PIBF1: variants seen among roughly 807,000 people sequenced by gnomAD.
PIBF1 encodes the protein progesterone immunomodulatory binding factor 1.
Under a neutral mutation model 112.5 loss-of-function variants are expected in PIBF1, and 90 were observed. That is an observed-to-expected ratio of 0.80 (90% confidence interval 0.67 to 0.95). The LOEUF (loss-of-function observed/expected upper bound fraction) is 0.95. Ranked by LOEUF, PIBF1 falls within the 40% of genes least tolerant of loss-of-function variation. The pLI, the probability that PIBF1 is intolerant of heterozygous loss-of-function variation, is 0.00. For missense variants in PIBF1, 915 were observed against 852.3 expected, an observed-to-expected ratio of 1.07 and a Z score of -0.92; for synonymous variants, 301 against 288.6, an observed-to-expected ratio of 1.04 and a Z score of -0.44.
At chr13:72,874,354 A>C (rs766182080) in intron 10 of PIBF1, among the ~76,000 whole-genome samples, 1 of 152,236 alleles carries the variant, frequency 6.6e-6, no homozygotes, top group African/African-American at 2.4e-5. Context: ...CAACTAGTGC[A>C]TCAAACTAAA....
At chr13:72,904,632 G>C (rs943371875) in intron 11 of PIBF1, among the ~76,000 whole-genome samples, 116 of 150,894 alleles carry the variant, frequency 7.7e-4, no homozygotes, top group Middle Eastern at 3.4e-3. Context: ...GTAGAGACAG[G>C]GTTTTGCCGT....
intron 10 of PIBF1, among the ~76,000 whole-genome samples, chr13:72,873,992 G>A (rs559414923): frequency 9.2e-5 from 14 of 152,206 alleles, no homozygotes; most frequent in African/African-American, 2.6e-4. Flanking sequence ...CACAAGAAAA[G>A]ATGCTAAACA....
intron 16 of PIBF1, among the ~76,000 whole-genome samples, chr13:72,997,256 G>T (rs1286693181): frequency 6.6e-6 from 1 of 152,094 alleles, no homozygotes; most frequent in Non-Finnish European, 1.5e-5. Flanking sequence ...ACTTATCTTG[G>T]TAAGTAGAAC....
At chr13:72,971,302 T>C (rs2042886286) in intron 15 of PIBF1, among the ~76,000 whole-genome samples, 2 of 152,068 alleles carry the variant, frequency 1.3e-5, no homozygotes, top group African/African-American at 2.4e-5. Context: ...ACATACATGT[T>C]CCTTAAAAGT....
At chr13:72,795,256 G>A in intron 3 of PIBF1, 103 bp from the exon 4 acceptor site, 1 of 716,634 alleles carries the variant, frequency 1.4e-6, no homozygotes, top group Non-Finnish European at 2.4e-6. Context: ...ATACTGTCAG[G>A]TTTCTGATTT....
At position 72,892,916 on chromosome 13, in the gene PIBF1, G is replaced by A. The variant is rs149246862; in HGVS notation, c.1323-868G>A. Among the ~76,000 whole-genome samples, 64 of 151,966 alleles carry A rather than the reference G, an allele frequency of 4.2e-4. No homozygotes were observed. The East Asian group carries it at 0.011, about 27-fold the overall frequency. On this transcript the variant is annotated intron_variant, in intron 10 of 17. Coordinates refer to ENST00000326291, the MANE Select transcript of PIBF1 (RefSeq NM_006346.4). ...TTGAAGCACTTACCATTGAATTTTC[G>A]TGTTTATTTGCCTGTTTTCCCCAGA...
At chr13:72,823,858 A>T (rs1420350520) in intron 6 of PIBF1, among the ~76,000 whole-genome samples, 1 of 152,102 alleles carries the variant, frequency 6.6e-6, no homozygotes, top group Non-Finnish European at 1.5e-5. Context: ...TTGTCTAAGA[A>T]GTCTTGATCT....
chr13:72,885,989 G>A (rs1241198870), intron 10 of PIBF1, among the ~76,000 whole-genome samples: 2 of 151,994 alleles, frequency 1.3e-5, no homozygotes, highest in Non-Finnish European at 2.9e-5. Context: ...CATTTATAGG[G>A]CTTCCCTATT....
At chr13:72,903,987 T>C (rs766266481) in intron 11 of PIBF1, among the ~76,000 whole-genome samples, 1 of 152,188 alleles carries the variant, frequency 6.6e-6, no homozygotes, top group Non-Finnish European at 1.5e-5. Flanking sequence ...ATAGAAATCC[T>C]CAAAATATTG....
At position 72,973,782 on chromosome 13, in the gene PIBF1, T is replaced by A. The variant is rs181278467; in HGVS notation, c.2049+107T>A. 8.5e-5 allele frequency: 54 copies of A among 633,334 alleles called. No homozygotes were observed. In the Admixed American group the frequency reaches 1.7e-3, roughly 21 times the overall value. The allele number at this position is 633,334 out of a possible 1,614,324, so 39.2% of individuals were successfully genotyped here. On this transcript the variant is annotated intron_variant, in intron 16 of 17. Coordinates refer to ENST00000326291, the MANE Select transcript of PIBF1 (RefSeq NM_006346.4). Reference sequence around the variant, plus strand: ...GTTGTGCATGTTCATTAATGACTTCTCTTATTTATGTCTCACTGTAATTTT... The same window carrying A: ...GTTGTGCATGTTCATTAATGACTTCACTTATTTATGTCTCACTGTAATTTT...
chr13:72,982,602 T>C (rs2043182400), intron 16 of PIBF1, among the ~76,000 whole-genome samples: 1 of 152,208 alleles, frequency 6.6e-6, no homozygotes, highest in Non-Finnish European at 1.5e-5. Flanking sequence ...ACCCATTAGA[T>C]TGACAAATTC....
intron 2 of PIBF1, among the ~76,000 whole-genome samples, chr13:72,791,094 G>A (rs542475005): frequency 3.1e-4 from 47 of 151,784 alleles, no homozygotes; most frequent in African/African-American, 8.0e-4. Context: ...TCACTCTGTC[G>A]CCCAGGCTGG....
At chr13:72,961,745 C>T (rs1182503745) in intron 14 of PIBF1, among the ~76,000 whole-genome samples, 1 of 151,712 alleles carries the variant, frequency 6.6e-6, no homozygotes, top group African/African-American at 2.4e-5. Flanking sequence ...CATTATATAC[C>T]AAAGTAGGAG....
intron 10 of PIBF1, among the ~76,000 whole-genome samples, chr13:72,876,036 G>C (rs2039382185): frequency 6.8e-6 from 1 of 147,986 alleles, no homozygotes; most frequent in Admixed American, 6.8e-5. Context: ...ATTGTCTTAT[G>C]TGTTATCCTT....
At chr13:72,838,559 G>T (rs1380149044) in intron 9 of PIBF1, among the ~76,000 whole-genome samples, 1 of 152,140 alleles carries the variant, frequency 6.6e-6, no homozygotes, top group African/African-American at 2.4e-5. Flanking sequence ...AAAGTAAAGT[G>T]GCATACAGAA....
chr13:73,008,126 A>G (rs1276366392), intron 17 of PIBF1, among the ~76,000 whole-genome samples: 8 of 152,214 alleles, frequency 5.3e-5, no homozygotes, highest in Admixed American at 5.2e-4. Flanking sequence ...GACATACTCT[A>G]TGCTAATGTA....
At chr13:72,907,157 C>T (rs1293464906) in intron 11 of PIBF1, among the ~76,000 whole-genome samples, 3 of 152,066 alleles carry the variant, frequency 2.0e-5, no homozygotes, top group African/African-American at 7.2e-5. Flanking sequence ...TCTCCACTCT[C>T]CAAAGGAATG....
chr13:72,972,004 A>T (rs926051754), intron 15 of PIBF1, among the ~76,000 whole-genome samples: 33 of 15,680 alleles, frequency 2.1e-3, no homozygotes, highest in African/African-American at 0.011. Context: ...AGTGGCTTTC[A>T]TTTATTTATT....
chr13:72,883,979 A>G (rs936190634), intron 10 of PIBF1, among the ~76,000 whole-genome samples: 9 of 152,214 alleles, frequency 5.9e-5, no homozygotes, highest in Admixed American at 5.2e-4. Context: ...CTAAAAGAGT[A>G]TAATTGGATT....
Sources: allele counts gnomAD v4.1 joint callset (sites outside exome capture counted in the v4.1 genomes callset), GRCh38; gene constraint gnomAD v4.1.1; transcripts MANE v1.5; gene names NCBI Gene and HGNC (gene_info 2026-07-23, HGNC 2026-07-21).